RAB11FIP3: variants seen among roughly 807,000 people sequenced by gnomAD.
RAB11FIP3 encodes the protein rab11 family-interacting protein 3.
Under a neutral mutation model 77.8 loss-of-function variants are expected in RAB11FIP3, and 17 were observed. The ratio of observed to expected loss-of-function variants is 0.22; its 90% CI spans 0.15 to 0.33. The LOEUF is 0.33. Ranked by LOEUF, RAB11FIP3 falls within the 10% of genes least tolerant of loss-of-function variation. RAB11FIP3 has a pLI of 1.00. For missense variants in RAB11FIP3, 1,005 were observed against 1,011.2 expected (o/e 0.99, Z 0.08); for synonymous variants, 437 against 448.2 (o/e 0.98, Z 0.31).
At chr16:500,571 C>T (rs1193866059) in intron 6 of RAB11FIP3, among the ~76,000 whole-genome samples, 1 of 151,170 alleles carries the variant, frequency 6.6e-6, no homozygotes, top group African/African-American at 2.4e-5. Context: ...GCCTGTAATC[C>T]CAGCTACCTG....
In RAB11FIP3 at chr16:472,606, G is replaced by A. The variant is rs1372736616; in HGVS notation, c.903+1217G>A. On this transcript the variant is annotated intron_variant, in intron 3 of 13. Transcript: ENST00000262305. This position sits in a 1 kb window ranked among gnomAD's most constrained non-coding sequence, Gnocchi z 4.1. ...CAGGGTAACCCAGAGCCCTTGGTCTGCAACGTCCGGGGAACTGTGTGTTCC... is the reference window on the plus strand; with the variant it reads ...CAGGGTAACCCAGAGCCCTTGGTCTACAACGTCCGGGGAACTGTGTGTTCC... 1.3e-5 allele frequency among the ~76,000 whole-genome samples: 2 copies of A among 152,216 alleles called. No individual in the cohort carries two copies. The highest frequency in any genetic ancestry group is 2.9e-5 in the Non-Finnish European group (2 of 68,044).
intron 1 of RAB11FIP3, among the ~76,000 whole-genome samples, chr16:434,174 T>C (rs921877034): frequency 2.0e-5 from 3 of 152,230 alleles, no homozygotes; most frequent in Admixed American, 2.0e-4. Context: ...TAGGCTGGAG[T>C]GCAATGGCAC....
intron 4 of RAB11FIP3, among the ~76,000 whole-genome samples, chr16:487,580 C>T (rs1269375165): frequency 6.6e-6 from 1 of 152,194 alleles, no homozygotes; most frequent in East Asian, 1.9e-4. Context: ...TGACTCTGCC[C>T]CCTTCTCCTG....
chr16:432,675 G>T lies in RAB11FIP3; in HGVS notation c.714+5955G>T, dbSNP rs542674673. On this transcript the variant is annotated intron_variant, in intron 1 of 13. Transcript: ENST00000262305. The stretch of plus-strand genomic sequence containing the variant: ...AGTTCAGTGGTACGATCTCGGCTCA[G>T]TGCAGTCTCTGCCTCCCGGGTTCAA... 3.4e-4 allele frequency among the ~76,000 whole-genome samples: 50 copies of T among 147,588 alleles called. No homozygotes were observed. The East Asian group carries it at 0.01, about 30-fold the overall frequency.
At chr16:508,640 C>G (rs769280678) in intron 8 of RAB11FIP3, among the ~76,000 whole-genome samples, 1 of 152,192 alleles carries the variant, frequency 6.6e-6, no homozygotes, top group South Asian at 2.1e-4. Context: ...TCCCAAAGTG[C>G]TGGGATTACA....
chr16:489,152 A>T, intron 5 of RAB11FIP3, 152 bp downstream of exon 5: 1 of 929,500 alleles, frequency 1.1e-6, no homozygotes, highest in Non-Finnish European at 1.5e-6. Flanking sequence ...TTTTAAATTT[A>T]TACCTGGATT....
At chr16:439,028 G>C (rs556244807) in intron 1 of RAB11FIP3, among the ~76,000 whole-genome samples, 30 of 152,226 alleles carry the variant, frequency 2.0e-4, no homozygotes, top group Non-Finnish European at 3.2e-4. Context: ...CTGTCACCCA[G>C]GTAGGAGTGC....
At chr16:518,335 C>A (rs1054893962) in intron 9 of RAB11FIP3, among the ~76,000 whole-genome samples, 7 of 152,218 alleles carry the variant, frequency 4.6e-5, no homozygotes, top group African/African-American at 1.4e-4. Flanking sequence ...CCCGCATTGG[C>A]CTCCCAAAGT....
intron 1 of RAB11FIP3, among the ~76,000 whole-genome samples, chr16:441,015 A>G (rs1218555608): frequency 6.6e-6 from 1 of 151,172 alleles, no homozygotes; most frequent in Non-Finnish European, 1.5e-5. Flanking sequence ...ATCTCGGCTC[A>G]CTGCAACCTC....
chr16:507,391 G>C lies in RAB11FIP3; in HGVS notation c.1499+1764G>C, dbSNP rs1335910079. On this transcript the variant is annotated intron_variant, in intron 8 of 13. Coordinates refer to ENST00000262305, the MANE Select transcript of RAB11FIP3 (RefSeq NM_014700.4). This position sits in a 1 kb window ranked among gnomAD's most constrained non-coding sequence, Gnocchi z 4.6. ...CTCCCAAAATGCTGGGATTACAGGCGTGAGCCACCGTGCCCGGCCTAGTTT... is the reference window on the plus strand; with the variant it reads ...CTCCCAAAATGCTGGGATTACAGGCCTGAGCCACCGTGCCCGGCCTAGTTT... 6.6e-6 allele frequency among the ~76,000 whole-genome samples: 1 copy of C among 152,176 alleles called. No homozygotes were observed. The highest frequency in any genetic ancestry group is 1.5e-5 in the Non-Finnish European group (1 of 68,032).
chr16:475,509 T>C (rs1477301658), intron 3 of RAB11FIP3, among the ~76,000 whole-genome samples: 1 of 152,120 alleles, frequency 6.6e-6, no homozygotes, highest in East Asian at 1.9e-4. Flanking sequence ...TGCTCTGAGG[T>C]ACATTTTTGT....
In RAB11FIP3 at chr16:521,043, G is replaced by T; in HGVS notation, c.*204G>T. The T allele has an allele frequency of 5.1e-6, 3 of 594,000 alleles. No homozygotes were observed. The highest frequency in any genetic ancestry group is 9.0e-6 in the Non-Finnish European group (3 of 333,028). 36.8% of individuals were successfully genotyped at this position (594,000 alleles called of 1,614,324 possible). A position where few individuals can be genotyped will look rare whatever the true frequency, so the allele number is the denominator to read the frequency against. On this transcript the variant is annotated 3_prime_UTR_variant, in exon 14 of 14. Coordinates refer to ENST00000262305, the MANE Select transcript of RAB11FIP3 (RefSeq NM_014700.4). The stretch of plus-strand genomic sequence containing the variant: ...GTGGTGGAGAGGAGAGGGAGAAAGG[G>T]AAGTCCCAGGGCCCGGGGTCCACAG...
intron 9 of RAB11FIP3, among the ~76,000 whole-genome samples, chr16:517,748 C>T (rs1313726400): frequency 6.6e-6 from 1 of 152,144 alleles, no homozygotes; most frequent in Non-Finnish European, 1.5e-5. Context: ...GCAGGGCCCA[C>T]GGGGACTACA....
intron 9 of RAB11FIP3, among the ~76,000 whole-genome samples, chr16:518,427 T>TA (rs572946782): frequency 9.2e-5 from 14 of 151,454 alleles, no homozygotes; most frequent in Middle Eastern, 3.4e-3. Flanking sequence ...CAAAGTATAT[T>TA]AAAAAAACCA....
In RAB11FIP3 at chr16:430,473, A is replaced by G. The variant is rs567383311; in HGVS notation, c.714+3753A>G. 7.0e-4 allele frequency among the ~76,000 whole-genome samples: 107 copies of G among 152,254 alleles called. 1 individual carries two copies. Among genetic ancestry groups the G allele is most frequent in the Non-Finnish European group, 1.1e-3 (77 of 68,024 alleles). ...AAATAGGCTGCCGAAGGAAGTGTCGATGCTCAGATCTCCCTACGTTTTTTT... is the reference window on the plus strand; with the variant it reads ...AAATAGGCTGCCGAAGGAAGTGTCGGTGCTCAGATCTCCCTACGTTTTTTT... On this transcript the variant is annotated intron_variant, in intron 1 of 13. Coordinates refer to ENST00000262305, the MANE Select transcript of RAB11FIP3 (RefSeq NM_014700.4).
intron 3 of RAB11FIP3, among the ~76,000 whole-genome samples, chr16:478,317 C>T (rs570583877): frequency 4.6e-5 from 7 of 152,170 alleles, no homozygotes; most frequent in East Asian, 3.9e-4. Context: ...CTCAGCCCCC[C>T]GAGTAGCTGG....
intron 9 of RAB11FIP3, among the ~76,000 whole-genome samples, chr16:515,739 T>TCACC (rs2032383070): frequency 7.6e-6 from 1 of 131,274 alleles, no homozygotes; most frequent in African/African-American, 2.9e-5. Context: ...CGACACGTGT[T>TCACC]GGGGTTTGCA....
intron 1 of RAB11FIP3, among the ~76,000 whole-genome samples, chr16:427,927 G>A (rs1278026964): frequency 6.6e-6 from 1 of 151,714 alleles, no homozygotes; most frequent in African/African-American, 2.4e-5. Context: ...GTGAAACCCC[G>A]TCTCCACTAA....
intron 1 of RAB11FIP3, among the ~76,000 whole-genome samples, chr16:437,805 T>G (rs2055156171): frequency 6.6e-6 from 1 of 152,160 alleles, no homozygotes; most frequent in Non-Finnish European, 1.5e-5. Context: ...ATTATTATTA[T>G]TTTTTGAGAC....
Sources: allele counts gnomAD v4.1 joint callset (sites outside exome capture counted in the v4.1 genomes callset), GRCh38; gene constraint gnomAD v4.1.1; non-coding constraint Gnocchi (gnomAD v3.1); transcripts MANE v1.5; gene names NCBI Gene and HGNC (gene_info 2026-07-23, HGNC 2026-07-21).